Variants in AIMP1 observed in about 807,000 individuals in gnomAD.
AIMP1 encodes aminoacyl tRNA synthetase complex interacting multifunctional protein 1.
AIMP1 carries 24 observed loss-of-function variants against 33.1 expected under a neutral mutation model. That is an observed-to-expected ratio of 0.73 (90% CI 0.53 to 1.02). The LOEUF is 1.02. Among genes scored for constraint, AIMP1 ranks in the 50% least tolerant of loss-of-function variants. AIMP1 has a pLI of 0.00. For synonymous variants in AIMP1, 120 were observed against 121.5 expected (o/e 0.99, Z 0.08); for missense variants, 367 against 364.8 (o/e 1.01, Z -0.05).
In AIMP1 at chr4:106,328,113, C is replaced by T. The variant is rs181917989; in HGVS notation, c.261C>T (p.His87=). The T allele has an allele frequency of 1.3e-5, 21 of 1,613,342 alleles. No individual in the cohort carries two copies. Among genetic ancestry groups the T allele is most frequent in the South Asian group, 8.8e-5 (8 of 91,056 alleles). Reference sequence around the variant, plus strand: ...CATTTCCATCTGGTACTCCACTGCACGCTAATTCTATGGTTTCTGAAAATG... The same window carrying T: ...CATTTCCATCTGGTACTCCACTGCATGCTAATTCTATGGTTTCTGAAAATG... ...QIPFPSGTPL[H]ANSMVSENVI... is the part of the protein sequence containing the mutation. Residue 87 remains histidine, a synonymous_variant, in exon 4 of 7, where the codon CAC becomes CAT. Transcript: ENST00000672341.
upstream of AIMP1, chr4:106,316,538 C>G: frequency 6.4e-7 from 1 of 1,551,598 alleles, no homozygotes; most frequent in Non-Finnish European, 8.7e-7. Flanking sequence ...ACGCGGGTGG[C>G]TGGACCTACA....
intron 5 of AIMP1, among the ~76,000 whole-genome samples, chr4:106,333,569 G>T (rs1769757785): frequency 6.6e-6 from 1 of 152,330 alleles, no homozygotes; most frequent in Non-Finnish European, 1.5e-5. Flanking sequence ...GGAGGTTAGA[G>T]TATCTCCACT....
chr4:106,340,239 T>G (rs183091425), intron 6 of AIMP1, among the ~76,000 whole-genome samples: 189 of 152,126 alleles, frequency 1.2e-3, no homozygotes, highest in Non-Finnish European at 2.5e-3. Flanking sequence ...TGTGAGCGAA[T>G]TATTTTGTAA....
chr4:106,344,503 TAGCACCCTAATCCC>T, intron 6 of AIMP1, among the ~76,000 whole-genome samples: 1 of 152,300 alleles, frequency 6.6e-6, no homozygotes, highest in East Asian at 1.9e-4. Context: ...ACTCCACCAC[TAGCACCCTAATCCC>T]AAAGCCAACA....
intron 1 of AIMP1, among the ~76,000 whole-genome samples, chr4:106,324,399 T>G (rs1299356545): frequency 1.3e-5 from 2 of 152,084 alleles, no homozygotes; most frequent in Admixed American, 1.3e-4. Context: ...TTTAAATTTC[T>G]CTGAATTTAT....
At chr4:106,342,139 T>G (rs565731869) in intron 6 of AIMP1, among the ~76,000 whole-genome samples, 1 of 152,232 alleles carries the variant, frequency 6.6e-6, no homozygotes, top group Non-Finnish European at 1.5e-5. Flanking sequence ...GCATTGATTT[T>G]GTATCCAGAA....
chr4:106,342,119 T>A (rs1157382661), intron 6 of AIMP1, among the ~76,000 whole-genome samples: 1 of 152,250 alleles, frequency 6.6e-6, no homozygotes, highest in Non-Finnish European at 1.5e-5. Context: ...GAAATGCTGC[T>A]GATTTTTGTG....
At chr4:106,326,230 T>A (rs1769449495) in intron 2 of AIMP1, among the ~76,000 whole-genome samples, 1 of 152,176 alleles carries the variant, frequency 6.6e-6, no homozygotes, top group African/African-American at 2.4e-5. Context: ...TTAAAAACAC[T>A]TTGTGTTTAT....
At chr4:106,343,666 A>G (rs1770187725) in intron 6 of AIMP1, among the ~76,000 whole-genome samples, 1 of 152,180 alleles carries the variant, frequency 6.6e-6, no homozygotes, top group African/African-American at 2.4e-5. Context: ...AGAGATGCCT[A>G]ATGGCTTTAG....
At position 106,343,360 on chromosome 4, in the gene AIMP1, T is replaced by C. The variant is rs985190354; in HGVS notation, c.773-4166T>C. 3.9e-5 allele frequency among the ~76,000 whole-genome samples: 6 copies of C among 152,310 alleles called. No homozygotes were observed. In the East Asian group the frequency reaches 1.2e-3, roughly 29 times the overall value. ...ATAGGCATGTTTTAAAATTCTCCGT[T>C]AACTGTGTTTAATGAAATATTACAA... On this transcript the variant is annotated intron_variant, in intron 6 of 6. Transcript: ENST00000672341.
In AIMP1 at chr4:106,324,972, A is replaced by AT. The variant is rs747519620; in HGVS notation, c.-25-8dup. ...TTTCACAGTGTAATTTATCACTTTT[A>AT]TTTTTCCTATAGGATTTTCTGCCGT... On this transcript the variant is annotated splice_polypyrimidine_tract_variant and intron_variant, in intron 1 of 6. Coordinates refer to ENST00000672341, the MANE Select transcript of AIMP1 (RefSeq NM_001142416.2). The AT allele has an allele frequency of 3.8e-5, 60 of 1,585,742 alleles. No homozygotes were observed. The highest frequency in any genetic ancestry group is 5.1e-5 in the Non-Finnish European group (59 of 1,167,446).
At chr4:106,335,930 A>G (rs979662712) in intron 5 of AIMP1, among the ~76,000 whole-genome samples, 1 of 151,676 alleles carries the variant, frequency 6.6e-6, no homozygotes, top group Admixed American at 6.6e-5. Flanking sequence ...CACTTCAAAT[A>G]TGAAGATTAA....
intron 6 of AIMP1, among the ~76,000 whole-genome samples, 190 bp downstream of exon 6, chr4:106,337,227 C>T (rs1450531182): frequency 6.6e-6 from 1 of 152,132 alleles, no homozygotes; most frequent in Non-Finnish European, 1.5e-5. Context: ...TAATCATTCT[C>T]CTCCCCATGA....
rs142036705 is a variant in AIMP1 at position 106,328,095 on chromosome 4, A to G, written c.243A>G (p.Pro81=). ...TCTCAGTGAAGCAAATACCATTTCC[A>G]TCTGGTACTCCACTGCACGCTAATT... The part of the protein sequence containing the change: ...IQNGVKQIPF[P]SGTPLHANSM... Residue 81 remains proline (P), a synonymous_variant, in exon 4 of 7, where the codon CCA becomes CCG. Transcript: ENST00000672341. 6 of 1,613,134 alleles carry G rather than the reference A, an allele frequency of 3.7e-6. No homozygotes were observed. The African/African-American group carries it at 5.3e-5, about 14-fold the overall frequency.
At chr4:106,321,537 C>G (rs375391995) in intron 1 of AIMP1, 1 of 153,392 alleles carries the variant, frequency 6.5e-6, no homozygotes. Context: ...AAGTGAGGAG[C>G]GTTTCCGCTT....
At chr4:106,325,734 G>A (rs572866079) in intron 2 of AIMP1, among the ~76,000 whole-genome samples, 2 of 151,902 alleles carry the variant, frequency 1.3e-5, no homozygotes, top group Admixed American at 1.3e-4. Context: ...GTAGTTTTTA[G>A]TCATATTGCT....
At chr4:106,342,287 G>T (rs2125928492) in intron 6 of AIMP1, among the ~76,000 whole-genome samples, 1 of 152,200 alleles carries the variant, frequency 6.6e-6, no homozygotes, top group East Asian at 1.9e-4. Context: ...TCTTTCTCTT[G>T]CCTGATTGCT....
chr4:106,346,875 T>G (rs896385692), intron 6 of AIMP1, among the ~76,000 whole-genome samples: 5 of 152,052 alleles, frequency 3.3e-5, no homozygotes, highest in African/African-American at 1.2e-4. Flanking sequence ...GCTAGGTAAT[T>G]TATAAGGAAA....
chr4:106,337,285 C>T (rs1380878271), intron 6 of AIMP1, among the ~76,000 whole-genome samples: 2 of 152,160 alleles, frequency 1.3e-5, no homozygotes, highest in Non-Finnish European at 2.9e-5. Context: ...TATGTCCCCA[C>T]CAAAATCTCA....
Sources: allele counts gnomAD v4.1 joint callset (sites outside exome capture counted in the v4.1 genomes callset), GRCh38; gene constraint gnomAD v4.1.1; transcripts MANE v1.5; gene names NCBI Gene and HGNC (gene_info 2026-07-23, HGNC 2026-07-21).